The following SNX29 variants were observed in gnomAD, a reference collection of about 807,000 sequenced individuals.
SNX29 encodes sorting nexin 29.
SNX29 carries 78 observed loss-of-function variants against 102.1 expected under a neutral mutation model. The ratio of observed to expected loss-of-function variants is 0.76; its 90% confidence interval spans 0.64 to 0.92. SNX29 has a LOEUF of 0.92. Ranked by LOEUF, SNX29 falls within the 40% of genes least tolerant of loss-of-function variation. The pLI, the probability that SNX29 is intolerant of heterozygous loss-of-function variation, is 0.00. For synonymous variants in SNX29, 580 were observed against 414.5 expected (o/e 1.40, Z -4.85); for missense variants, 1,280 against 1,061.7 (o/e 1.21, Z -2.86).
chr16:12,304,104 G>T (rs111754285), intron 15 of SNX29, among the ~76,000 whole-genome samples: 2,394 of 152,266 alleles, frequency 0.016, 34 homozygotes, highest in Middle Eastern at 0.034. Context: ...ATTTTTCCCA[G>T]GCCTAAGTAG....
chr16:12,109,127 CAAAAAAAAAAA>C (rs71139575), intron 11 of SNX29, among the ~76,000 whole-genome samples: 11 of 33,314 alleles, frequency 3.3e-4, no homozygotes, highest in South Asian at 1.3e-3. Context: ...GGCGCTGTCT[CAAAAAAAAAAA>C]AAAAAAAAAA....
chr16:12,540,778 C>T (rs1247729965), intron 20 of SNX29, among the ~76,000 whole-genome samples: 2 of 152,196 alleles, frequency 1.3e-5, no homozygotes, highest in Non-Finnish European at 1.5e-5. Flanking sequence ...CCTAGAGTGT[C>T]AGGTGCTTGA....
intron 14 of SNX29, among the ~76,000 whole-genome samples, chr16:12,273,337 T>G (rs1466608526): frequency 1.1e-5 from 1 of 89,480 alleles, no homozygotes; most frequent in East Asian, 2.5e-4. Flanking sequence ...GGTTTTTTGT[T>G]TTTTGTTTTT....
chr16:12,292,066 T>C (rs943491381), intron 15 of SNX29, among the ~76,000 whole-genome samples: 1 of 152,080 alleles, frequency 6.6e-6, no homozygotes, highest in African/African-American at 2.4e-5. Context: ...GGAGGGGTTG[T>C]GGTTTGGGGT....
intron 20 of SNX29, among the ~76,000 whole-genome samples, chr16:12,552,590 A>G (rs1306134445): frequency 1.3e-5 from 2 of 152,150 alleles, no homozygotes; most frequent in African/African-American, 2.4e-5. Flanking sequence ...CATGGAGTTT[A>G]TATTCTCATG....
Position 12,525,652 on chromosome 16 carries a change from G to T in SNX29, c.2318+811G>T, listed in dbSNP as rs191833721. On this transcript the variant is annotated intron_variant, in intron 20 of 20. Transcript: ENST00000566228. Reference sequence around the variant, plus strand: ...GGTTGCAGTGAGCTGAGATTGTGCCGCTGCACTCCAGCCTGGGTGACAGAG... The same window carrying T: ...GGTTGCAGTGAGCTGAGATTGTGCCTCTGCACTCCAGCCTGGGTGACAGAG... 3.3e-5 allele frequency among the ~76,000 whole-genome samples: 5 copies of T among 149,796 alleles called. No homozygotes were observed. In the East Asian group the frequency reaches 7.9e-4, roughly 24 times the overall value.
intron 16 of SNX29, among the ~76,000 whole-genome samples, chr16:12,360,240 A>G (rs2082263976): frequency 6.6e-6 from 1 of 152,212 alleles, no homozygotes; most frequent in African/African-American, 2.4e-5. Flanking sequence ...GGACCCTGAT[A>G]AAGTTCATAT....
At chr16:12,450,890 A>G (rs1167403835) in intron 18 of SNX29, among the ~76,000 whole-genome samples, 1 of 152,152 alleles carries the variant, frequency 6.6e-6, no homozygotes, top group Non-Finnish European at 1.5e-5. Flanking sequence ...CCCAGAACAC[A>G]TGAGGAGGTA....
At chr16:12,191,241 T>G (rs903976476) in intron 13 of SNX29, among the ~76,000 whole-genome samples, 1 of 152,138 alleles carries the variant, frequency 6.6e-6, no homozygotes, top group Non-Finnish European at 1.5e-5. Context: ...TAATGCTTGC[T>G]CACCGCTCAC....
intron 5 of SNX29, among the ~76,000 whole-genome samples, chr16:12,043,655 T>G (rs1256991770): frequency 6.6e-6 from 1 of 151,916 alleles, no homozygotes; most frequent in East Asian, 1.9e-4. Context: ...CCATGCCAGG[T>G]GCAGAATTTT....
intron 13 of SNX29, among the ~76,000 whole-genome samples, chr16:12,158,140 G>A (rs1037622107): frequency 1.1e-4 from 16 of 151,756 alleles, no homozygotes; most frequent in Admixed American, 8.5e-4. Flanking sequence ...TTGCAGTGGC[G>A]CCATCATGGC....
intron 19 of SNX29, among the ~76,000 whole-genome samples, chr16:12,496,122 G>C (rs949861755): frequency 2.6e-5 from 4 of 152,216 alleles, no homozygotes; most frequent in African/African-American, 4.8e-5. Flanking sequence ...ACATGGAGAC[G>C]TGGAGCCTGA....
rs145633717 is a variant in SNX29, at chr16:12,221,344, G to T, written c.1678+21661G>T. Among the ~76,000 whole-genome samples, 158 of 152,314 alleles carry T rather than the reference G, an allele frequency of 1.0e-3. 2 individuals are homozygous for T. In the South Asian group the frequency reaches 0.013, roughly 12 times the overall value. Reference sequence around the variant, plus strand: ...AGGGTGACCAGATGGACCAGGTGTGGTGGCTCAGCCCCGTAATCCCAGCAC... The same window carrying T: ...AGGGTGACCAGATGGACCAGGTGTGTTGGCTCAGCCCCGTAATCCCAGCAC... On this transcript the variant is annotated intron_variant, in intron 14 of 20. Transcript: ENST00000566228.
At chr16:12,181,441 T>G (rs1336306981) in intron 13 of SNX29, among the ~76,000 whole-genome samples, 2 of 152,118 alleles carry the variant, frequency 1.3e-5, no homozygotes, top group Non-Finnish European at 2.9e-5. Context: ...GTTGCATTCT[T>G]TTGAGTTTCT....
intron 15 of SNX29, among the ~76,000 whole-genome samples, chr16:12,299,730 T>C (rs913658232): frequency 3.3e-5 from 5 of 152,018 alleles, no homozygotes; most frequent in Non-Finnish European, 7.4e-5. Flanking sequence ...CCTTCTTTTT[T>C]AGTAGACTAT....
intron 20 of SNX29, among the ~76,000 whole-genome samples, chr16:12,565,511 A>C (rs988529512): frequency 6.6e-6 from 1 of 152,194 alleles, no homozygotes; most frequent in Non-Finnish European, 1.5e-5. Flanking sequence ...GTCCCGAGAC[A>C]TGGCTCTGCT....
chr16:12,230,510 G>C (rs1168053571), intron 14 of SNX29, among the ~76,000 whole-genome samples: 3 of 152,206 alleles, frequency 2.0e-5, no homozygotes, highest in Non-Finnish European at 4.4e-5. Context: ...CTGCAAATGA[G>C]TTCATCGATC....
chr16:12,465,476 C>T (rs2087008913), intron 18 of SNX29, among the ~76,000 whole-genome samples: 1 of 151,796 alleles, frequency 6.6e-6, no homozygotes, highest in African/African-American at 2.4e-5. Context: ...CAGTCTTTTC[C>T]CCATTGTGTT....
intron 18 of SNX29, among the ~76,000 whole-genome samples, chr16:12,466,738 T>C (rs1368921564): frequency 6.6e-6 from 1 of 152,146 alleles, no homozygotes. Flanking sequence ...GGGGCTGGTG[T>C]TGGCAGCAGT....
Sources: gnomAD v4.1 joint callset for allele counts (sites outside exome capture counted in the v4.1 genomes callset) on GRCh38, gnomAD v4.1.1 for gene constraint, MANE v1.5 for transcripts, NCBI Gene and HGNC (gene_info 2026-07-23, HGNC 2026-07-21) for gene names.